WNT10B: variants seen among roughly 807,000 people sequenced by gnomAD.
The protein encoded by WNT10B is Wnt family member 10B.
WNT10B carries 26 observed loss-of-function variants against 32.7 expected under a neutral mutation model. The observed-to-expected ratio is 0.79, with a 90% CI of 0.58 to 1.10. WNT10B has a LOEUF of 1.10. WNT10B is among the 50% of genes least tolerant of loss of function. The pLI is 0.00. For missense variants in WNT10B, 474 were observed against 532.5 expected (o/e 0.89, Z 1.08); for synonymous variants, 204 against 220.4 (o/e 0.93, Z 0.66).
intron 3 of WNT10B, chr12:48,969,121 C>G (rs1313990793): frequency 2.1e-6 from 1 of 470,946 alleles, no homozygotes; most frequent in Admixed American, 2.3e-5. Context: ...ATTTGGGTGT[C>G]CAAGCCTTCC....
Position 48,966,449 on chromosome 12 carries a change from C to T in WNT10B, c.816G>A (p.Gly272=). ...GGCCCAGCCGCTCCCTCAACGCCGC[C>T]CCCACTGCCCGGAACTCTGGGGCCG... is the stretch of plus-strand genomic sequence containing the variant. ...WRAAPEFRAV[G]AALRERLGRA... The change falls in exon 5 of 5, where the codon GGG becomes GGA. Residue 272 remains glycine, a synonymous_variant. Transcript: ENST00000301061. 2 of 1,614,046 alleles carry T rather than the reference C, an allele frequency of 1.2e-6. No individual in the cohort carries two copies. The highest frequency in any genetic ancestry group is 1.7e-6 in the Non-Finnish European group (2 of 1,180,030).
rs761446685 is a variant in WNT10B, at chr12:48,970,548, C to G, written c.-19G>C. ...CCAGCATGTCGAAGCCCGGAGGCTC[C>G]GGTGGGCAGATCGATCAGGACCTGC... On this transcript the variant is annotated 5_prime_UTR_variant, in exon 2 of 5. Coordinates refer to ENST00000301061, the MANE Select transcript of WNT10B (RefSeq NM_003394.4). The surrounding 1 kb of genome is among the most constrained non-coding windows in gnomAD (Gnocchi z 5.0). The G allele has an allele frequency of 2.6e-6, 4 of 1,565,310 alleles. No homozygotes were observed. Among genetic ancestry groups the G allele is most frequent in the Non-Finnish European group, 3.5e-6 (4 of 1,154,450 alleles).
rs752830235 is a variant in WNT10B at position 48,968,244 on chromosome 12, A to C, written c.413T>G (p.Leu138Arg). 6.8e-6 allele frequency: 11 copies of C among 1,610,944 alleles called. No individual in the cohort carries two copies. In the South Asian group the frequency reaches 1.2e-4, roughly 18 times the overall value. Residue 138 changes from leucine to arginine, a missense_variant, in exon 4 of 5, where the codon CTG (leucine) becomes CGG (arginine). Coordinates refer to ENST00000301061, the MANE Select transcript of WNT10B (RefSeq NM_003394.4). ...ACAGCCACAGCTCACCAGCTTGCCC[A>C]GGCTGCAGGCCGTGGCTACTGCGTG... Reference protein sequence around the residue: ...VMHAVATACSLGKLVSCGCGW... With the variant: ...VMHAVATACSRGKLVSCGCGW...
chr12:48,965,817 AGT>A lies in WNT10B; in HGVS notation c.*276_*277del. The A allele has an allele frequency of 2.1e-6, 1 of 474,618 alleles. No homozygotes were observed. The highest frequency in any genetic ancestry group is 2.6e-5 in the South Asian group (1 of 38,166). The allele number at this position is 474,618 out of a possible 1,614,324, so 29.4% of individuals were successfully genotyped here. A position where few individuals can be genotyped will look rare whatever the true frequency, so the allele number is the denominator to read the frequency against. The stretch of plus-strand genomic sequence containing the variant: ...GGTTAAAGGGGCTCTGGAGTTGAGA[AGT>A]GGGAGGAGCAATACAGTGCATTTCA... On this transcript the variant is annotated 3_prime_UTR_variant, in exon 5 of 5. Transcript: ENST00000301061.
intron 4 of WNT10B, among the ~76,000 whole-genome samples, chr12:48,967,619 T>A (rs1940762533): frequency 6.6e-6 from 1 of 152,084 alleles, no homozygotes; most frequent in Admixed American, 6.5e-5. Flanking sequence ...TTTATATGTA[T>A]AATTTTTTTA....
In WNT10B at chr12:48,970,270, G is replaced by T. The variant is rs745763982; in HGVS notation, c.156C>A (p.Ser52=). ...GGCCTAGCTGCCGCTTGCTCAGGCCGGACAGCGTCAAGCACACGGTGTTGG... is the reference window on the plus strand; with the variant it reads ...GGCCTAGCTGCCGCTTGCTCAGGCCTGACAGCGTCAAGCACACGGTGTTGG... The part of the protein sequence containing the change: ...LTANTVCLTL[S]GLSKRQLGLC... The change falls in exon 3 of 5, where the codon TCC becomes TCA. Residue 52 remains serine, a synonymous_variant. Transcript: ENST00000301061. The surrounding 1 kb of genome is among the most constrained non-coding windows in gnomAD (Gnocchi z 5.0). The T allele has an allele frequency of 6.2e-7, 1 of 1,613,598 alleles. No individual in the cohort carries two copies. The highest frequency in any genetic ancestry group is 1.7e-5 in the Admixed American group (1 of 59,974).
chr12:48,966,378 T>C lies in WNT10B; in HGVS notation c.887A>G (p.Gln296Arg), dbSNP rs776718003. 1.9e-6 allele frequency: 3 copies of C among 1,614,114 alleles called. No individual in the cohort carries two copies. Among genetic ancestry groups the C allele is most frequent in the Non-Finnish European group, 2.5e-6 (3 of 1,180,014 alleles). Residue 296 changes from glutamine (Q) to arginine (R), a missense_variant, in exon 5 of 5, where the codon CAG becomes CGG. By Grantham distance (43) the Gln-to-Arg change is conservative. Transcript: ENST00000301061. ...DTHNRNSGAF[Q>R]PRLRPRRLSG... ...GAGGCGACGGGGACGCAGACGGGGC[T>C]GGAAGGCTCCAGAATTGCGGTTGTG...
rs1940739079 is a variant in WNT10B, at chr12:48,966,567, G to A, written c.712-14C>T. 1 of 1,611,714 alleles carries A rather than the reference G, an allele frequency of 6.2e-7. No individual in the cohort carries two copies. Among genetic ancestry groups the A allele is most frequent in the South Asian group, 1.1e-5 (1 of 91,040 alleles). ...TTCAGTTACCACCTAGAGCATCAGGGGGAAAAGAGGTGAAGCAGAGGGCAG... is the reference window on the plus strand; with the variant it reads ...TTCAGTTACCACCTAGAGCATCAGGAGGAAAAGAGGTGAAGCAGAGGGCAG... On this transcript the variant is annotated splice_polypyrimidine_tract_variant and intron_variant, in intron 4 of 4. Transcript: ENST00000301061.
rs547022297 is a variant in WNT10B, at chr12:48,968,794, T to G, written c.338-475A>C. 1.3e-4 allele frequency among the ~76,000 whole-genome samples: 19 copies of G among 151,868 alleles called. 1 individual carries two copies. The highest frequency in any genetic ancestry group is 8.5e-4 in the Admixed American group (13 of 15,278). ...TTTGTGGTTCTGTTTTTTTGTTTTTTTTTTTTTAAATTCACTTCAGGGTTA... is the reference window on the plus strand; with the variant it reads ...TTTGTGGTTCTGTTTTTTTGTTTTTGTTTTTTTAAATTCACTTCAGGGTTA... On this transcript the variant is annotated intron_variant, in intron 3 of 4. Transcript: ENST00000301061.
At position 48,968,086 on chromosome 12, in the gene WNT10B, G is replaced by A. The variant is rs2137612704; in HGVS notation, c.571C>T (p.Gln191Ter). The A allele has an allele frequency of 6.2e-7, 1 of 1,614,238 alleles. No homozygotes were observed. Among genetic ancestry groups the A allele is most frequent in the African/African-American group, 1.3e-5 (1 of 75,064 alleles). The change falls in exon 4 of 5, where the codon CAG (glutamine) becomes TAG (stop). Residue 191 changes from glutamine (Q) to a stop codon, truncating the protein, a stop_gained. Transcript: ENST00000301061. LOFTEE classifies it high-confidence loss of function. ...GPGSSPSPGP[Q>*]DTWEWGGCNH... ...CAGCCACCCCATTCCCATGTGTCCTGGGGGCCAGGGCTGGGGCTTGAGCCA... is the reference window on the plus strand; with the variant it reads ...CAGCCACCCCATTCCCATGTGTCCTAGGGGCCAGGGCTGGGGCTTGAGCCA...
In WNT10B at chr12:48,970,477, A is replaced by G. The variant is rs561483849; in HGVS notation, c.53T>C (p.Leu18Pro). 1.9e-6 allele frequency: 3 copies of G among 1,612,570 alleles called. No homozygotes were observed. In the African/African-American group the frequency reaches 4.0e-5, roughly 21 times the overall value. The part of the protein sequence containing the change: ...RPPPSGLAGL[L>P]FLALCSRALS... ...TCACCGACTGCACAACGCCAGGAACAGGAGACCCGCGAGGCCCGAGGGCGG... is the reference window on the plus strand; with the variant it reads ...TCACCGACTGCACAACGCCAGGAACGGGAGACCCGCGAGGCCCGAGGGCGG... The change falls in exon 2 of 5, where the codon CTG becomes CCG. Residue 18 changes from leucine (L) to proline (P), a missense_variant. Leu to Pro is a moderately conservative substitution (Grantham distance 98, BLOSUM62 -3). Coordinates refer to ENST00000301061, the MANE Select transcript of WNT10B (RefSeq NM_003394.4). The surrounding 1 kb of genome is among the most constrained non-coding windows in gnomAD (Gnocchi z 5.0).
At chr12:48,968,789 T>G (rs1047035365) in intron 3 of WNT10B, among the ~76,000 whole-genome samples, 26 of 109,392 alleles carry the variant, frequency 2.4e-4, no homozygotes, top group Non-Finnish European at 3.6e-4. Flanking sequence ...TGTTTTTTTG[T>G]TTTTTTTTTT....
rs750882560 is a variant in WNT10B, at chr12:48,968,264, T to A, written c.393A>T (p.Ala131=). 1 of 1,607,804 alleles carries A rather than the reference T, an allele frequency of 6.2e-7. No individual in the cohort carries two copies. The highest frequency in any genetic ancestry group is 1.1e-5 in the South Asian group (1 of 91,088). ...FSMLAAGVMH[A]VATACSLGKL... The stretch of plus-strand genomic sequence containing the variant: ...TGCCCAGGCTGCAGGCCGTGGCTAC[T>A]GCGTGCATGACCCCAGCAGCCAGCA... Residue 131 remains alanine (A), a synonymous_variant, in exon 4 of 5, where the codon GCA becomes GCT. Coordinates refer to ENST00000301061, the MANE Select transcript of WNT10B (RefSeq NM_003394.4).
chr12:48,966,323 A>G lies in WNT10B; in HGVS notation c.942T>C (p.Ser314=). 1 of 1,614,234 alleles carries G rather than the reference A, an allele frequency of 6.2e-7. No individual in the cohort carries two copies. Among genetic ancestry groups the G allele is most frequent in the Non-Finnish European group, 8.5e-7 (1 of 1,180,040 alleles). The change falls in exon 5 of 5, where the codon TCT becomes TCC. Residue 314 remains serine (S), a synonymous_variant. Coordinates refer to ENST00000301061, the MANE Select transcript of WNT10B (RefSeq NM_003394.4). ...TGGGGTCTCGCTCACAGAAGTCAGG[A>G]GACTTCTCAAAGTAGACCAGCTCTC... ...LSGELVYFEK[S]PDFCERDPTM...
intron 3 of WNT10B, among the ~76,000 whole-genome samples, chr12:48,969,786 T>TG (rs1940811966): frequency 6.6e-6 from 1 of 150,542 alleles, no homozygotes; most frequent in South Asian, 2.1e-4. Flanking sequence ...CTTCCAGGAC[T>TG]GGGGGCATCT....
chr12:48,965,967 C>CA lies in WNT10B; in HGVS notation c.*127_*128insT. The CA allele has an allele frequency of 8.6e-7, 1 of 1,158,526 alleles. No homozygotes were observed. The highest frequency in any genetic ancestry group is 2.5e-5 in the East Asian group (1 of 39,274). The allele number at this position is 1,158,526 out of a possible 1,614,324, so 71.8% of individuals were successfully genotyped here. ...CACCTGACCCCCACCACCCCTAAAG[C>CA]TGTTTCCAGGTAGATACTTTAAGCT... On this transcript the variant is annotated 3_prime_UTR_variant, in exon 5 of 5. Coordinates refer to ENST00000301061, the MANE Select transcript of WNT10B (RefSeq NM_003394.4).
At chr12:48,971,175 A>G (rs1944428400) in intron 1 of WNT10B, among the ~76,000 whole-genome samples, 3 of 152,180 alleles carry the variant, frequency 2.0e-5, no homozygotes, top group African/African-American at 7.2e-5. Context: ...GCACAGACTG[A>G]GTCCTCTTCC....
chr12:48,968,121 C>T lies in WNT10B; in HGVS notation c.536G>A (p.Ser179Asn), dbSNP rs1453803718. 1 of 1,614,244 alleles carries T rather than the reference C, an allele frequency of 6.2e-7. No homozygotes were observed. The highest frequency in any genetic ancestry group is 8.5e-7 in the Non-Finnish European group (1 of 1,180,024). Reference sequence around the variant, plus strand: ...GCTGGGGCTTGAGCCAGGGCCAGGGCTGGGCAGAGAGTGGGGGAAACTCTT... The same window carrying T: ...GCTGGGGCTTGAGCCAGGGCCAGGGTTGGGCAGAGAGTGGGGGAAACTCTT... ...RGKSFPHSLP[S>N]PGPGSSPSPG... Residue 179 changes from serine to asparagine, a missense_variant, in exon 4 of 5, where the codon AGC (serine) becomes AAC (asparagine). Physicochemically the swap from Ser to Asn is conservative, Grantham distance 46. Coordinates refer to ENST00000301061, the MANE Select transcript of WNT10B (RefSeq NM_003394.4).
In WNT10B at chr12:48,970,072, C is replaced by G; in HGVS notation, c.337+17G>C. ...CCTAGCCTCCGCGGCAGCGCCGACC[C>G]GCCCAGCCAGGCTCACCGCGCTTGA... On this transcript the variant is annotated intron_variant, in intron 3 of 4. Transcript: ENST00000301061. The surrounding 1 kb of genome is among the most constrained non-coding windows in gnomAD (Gnocchi z 5.0). 1.3e-6 allele frequency: 2 copies of G among 1,499,642 alleles called. No homozygotes were observed. Among genetic ancestry groups the G allele is most frequent in the Non-Finnish European group, 1.8e-6 (2 of 1,126,184 alleles). The allele number at this position is 1,499,642 out of a possible 1,614,324, so 92.9% of individuals were successfully genotyped here.
Sources: gnomAD v4.1 joint callset for allele counts (sites outside exome capture counted in the v4.1 genomes callset) on GRCh38, gnomAD v4.1.1 for gene constraint, Gnocchi (gnomAD v3.1) non-coding constraint, MANE v1.5 for transcripts, NCBI Gene and HGNC (gene_info 2026-07-23, HGNC 2026-07-21) for gene names.